The following EYS variants were observed in gnomAD, a reference collection of about 807,000 sequenced individuals.
EYS encodes the protein protein eyes shut homolog.
A neutral mutation model predicts 282.1 loss-of-function variants in EYS; 250 were observed. That is an observed-to-expected ratio of 0.89 (90% CI 0.80 to 0.98). The LOEUF is 0.98. Ranked by LOEUF, EYS falls within the 50% of genes least tolerant of loss-of-function variation. EYS has a pLI of 0.00. For synonymous variants in EYS, 1,355 were observed against 1,282.9 expected (o/e 1.06, Z -1.20); for missense variants, 4,016 against 3,709.0 (o/e 1.08, Z -2.15).
At position 65,276,413 on chromosome 6, in the gene EYS, GA is replaced by G. The variant is rs898052031; in HGVS notation, c.2023+19449del. On this transcript the variant is annotated intron_variant, in intron 12 of 42. Transcript: ENST00000503581. ...GAGGGAAGTGCTTCCACCCAGAAAA[GA>G]AAAAAAAAAAGATTCCTGACACTTA... Among the ~76,000 whole-genome samples the G allele has an allele frequency of 9.7e-3, 1,380 of 142,032 alleles. 25 individuals carry two copies. Among genetic ancestry groups the G allele is most frequent in the African/African-American group, 0.032 (1,256 of 39,050 alleles). The allele number at this position is 142,032 out of a possible 152,430, so 93.2% of individuals were successfully genotyped here. A position where few individuals can be genotyped will look rare whatever the true frequency, so the allele number is the denominator to read the frequency against.
intron 31 of EYS, among the ~76,000 whole-genome samples, chr6:64,139,711 C>G (rs1408919637): frequency 2.0e-5 from 3 of 152,022 alleles, no homozygotes; most frequent in Non-Finnish European, 4.4e-5. Flanking sequence ...TGGCTCACGT[C>G]TGTAATCCCA....
rs144873971 is a variant in EYS, at chr6:65,167,595, G to A, written c.2024-109868C>T. 2.6e-3 allele frequency among the ~76,000 whole-genome samples: 390 copies of A among 151,296 alleles called. 1 individual carries two copies. Among genetic ancestry groups the A allele is most frequent in the African/African-American group, 8.7e-3 (359 of 41,438 alleles). Reference sequence around the variant, plus strand: ...ACACAGATATATAGATGGATTAAAAGATAGAAGGATAGGAATAAAGATAGA... The same window carrying A: ...ACACAGATATATAGATGGATTAAAAAATAGAAGGATAGGAATAAAGATAGA... On this transcript the variant is annotated intron_variant, in intron 12 of 42. Transcript: ENST00000503581.
intron 22 of EYS, among the ~76,000 whole-genome samples, chr6:64,760,995 T>TA (rs767467653): frequency 4.5e-4 from 68 of 152,150 alleles, no homozygotes; most frequent in Non-Finnish European, 2.6e-4. Context: ...TAACTTTTAC[T>TA]AAAAAAATTG....
At chr6:65,131,790 GT>G (rs912437478) in intron 12 of EYS, among the ~76,000 whole-genome samples, 3 of 151,762 alleles carry the variant, frequency 2.0e-5, no homozygotes, top group Non-Finnish European at 2.9e-5. Flanking sequence ...CCAGGAGTTG[GT>G]TTTTTGAAAA....
chr6:64,202,433 G>A (rs959896964), intron 31 of EYS, among the ~76,000 whole-genome samples: 5 of 152,054 alleles, frequency 3.3e-5, no homozygotes, highest in African/African-American at 7.2e-5. Context: ...AGAAAAAAAC[G>A]AAGCAAGAAA....
intron 22 of EYS, among the ~76,000 whole-genome samples, chr6:64,659,098 A>G (rs1436608547): frequency 2.0e-5 from 3 of 152,022 alleles, no homozygotes; most frequent in South Asian, 2.1e-4. Context: ...AAACCGCTCA[A>G]CTACATGGAA....
chr6:64,083,691 T>G (rs181581039), intron 31 of EYS, among the ~76,000 whole-genome samples: 3 of 152,212 alleles, frequency 2.0e-5, no homozygotes, highest in Non-Finnish European at 4.4e-5. Flanking sequence ...AAATACAGGA[T>G]GCTCAGTTAA....
At chr6:65,341,631 T>TTGGCACATAATTTTTA (rs1356685439) in intron 10 of EYS, among the ~76,000 whole-genome samples, 1 of 151,250 alleles carries the variant, frequency 6.6e-6, no homozygotes. Context: ...GATTTTTAAT[T>TTGGCACATAATTTTTA]ATATGGCTCT....
intron 2 of EYS, among the ~76,000 whole-genome samples, chr6:65,630,131 T>C (rs1766860876): frequency 6.6e-6 from 1 of 152,224 alleles, no homozygotes; most frequent in African/African-American, 2.4e-5. Flanking sequence ...GATTTCAGAA[T>C]TGCTGTTGAC....
chr6:65,148,180 C>A (rs148417827), intron 12 of EYS, among the ~76,000 whole-genome samples: 1 of 152,134 alleles, frequency 6.6e-6, no homozygotes, highest in South Asian at 2.1e-4. Context: ...CTGATTCCAG[C>A]ATGAACTCTA....
chr6:64,091,961 T>C (rs576800405), intron 31 of EYS, among the ~76,000 whole-genome samples: 1 of 152,202 alleles, frequency 6.6e-6, no homozygotes, highest in Non-Finnish European at 1.5e-5. Flanking sequence ...CCATGTGTTC[T>C]CATTGTTCAA....
At chr6:64,470,807 A>T (rs1294745324) in intron 26 of EYS, among the ~76,000 whole-genome samples, 1 of 152,190 alleles carries the variant, frequency 6.6e-6, no homozygotes, top group Non-Finnish European at 1.5e-5. Context: ...AATACATAAG[A>T]ATAAAAAAAG....
intron 29 of EYS, among the ~76,000 whole-genome samples, chr6:64,364,316 A>G (rs1772121334): frequency 6.6e-6 from 1 of 151,980 alleles, no homozygotes; most frequent in Non-Finnish European, 1.5e-5. Flanking sequence ...TCTATAATAT[A>G]GAATCAGGGA....
At chr6:65,107,100 T>G (rs1381061102) in intron 12 of EYS, among the ~76,000 whole-genome samples, 3 of 151,832 alleles carry the variant, frequency 2.0e-5, no homozygotes, top group African/African-American at 7.3e-5. Context: ...AGGTAAGGGA[T>G]ACAGGAGAAA....
chr6:64,780,352 A>T (rs1033624951), intron 22 of EYS, among the ~76,000 whole-genome samples: 2 of 152,200 alleles, frequency 1.3e-5, no homozygotes, highest in Non-Finnish European at 2.9e-5. Flanking sequence ...AAACATCAGG[A>T]TTATTACTAC....
intron 22 of EYS, among the ~76,000 whole-genome samples, chr6:64,787,329 G>A (rs773692007): frequency 2.0e-5 from 3 of 152,054 alleles, no homozygotes; most frequent in Non-Finnish European, 4.4e-5. Flanking sequence ...TGATTGTTTG[G>A]GTGGTATAAA....
At chr6:64,679,209 G>T (rs187315459) in intron 22 of EYS, among the ~76,000 whole-genome samples, 225 of 151,822 alleles carry the variant, frequency 1.5e-3, no homozygotes, top group African/African-American at 5.1e-3. Context: ...TTTTTTTTAT[G>T]GATGTATGAG....
rs551190712 is a variant in EYS, at chr6:64,773,402, A to T, written c.3443+39976T>A. Among the ~76,000 whole-genome samples the T allele has an allele frequency of 2.6e-5, 4 of 151,946 alleles. No individual in the cohort carries two copies. The South Asian group carries it at 8.3e-4, about 32-fold the overall frequency. ...AGTGATGAGCACTCAGGTTGGTTCCATGCTTTTGCCACCGTGAATATTGCT... is the reference window on the plus strand; with the variant it reads ...AGTGATGAGCACTCAGGTTGGTTCCTTGCTTTTGCCACCGTGAATATTGCT... On this transcript the variant is annotated intron_variant, in intron 22 of 42. Transcript: ENST00000503581.
chr6:65,632,323 G>A (rs567898260), intron 2 of EYS, among the ~76,000 whole-genome samples: 1 of 152,222 alleles, frequency 6.6e-6, no homozygotes, highest in East Asian at 1.9e-4. Flanking sequence ...CACTTGACAA[G>A]TTAATGCATT....
Sources: gnomAD v4.1 joint callset for allele counts (sites outside exome capture counted in the v4.1 genomes callset) on GRCh38, gnomAD v4.1.1 for gene constraint, MANE v1.5 for transcripts, NCBI Gene and HGNC (gene_info 2026-07-23, HGNC 2026-07-21) for gene names.